The following FAM184B variants were observed in gnomAD, a reference collection of about 807,000 sequenced individuals.
FAM184B encodes protein FAM184B.
A neutral mutation model predicts 135.9 loss-of-function variants in FAM184B; 111 were observed. The observed-to-expected ratio is 0.82, with a 90% CI of 0.70 to 0.96. FAM184B has a LOEUF of 0.96. FAM184B is among the 40% of genes least tolerant of loss of function. The pLI is 0.00. For missense variants in FAM184B, 1,375 were observed against 1,323.9 expected (o/e 1.04, Z -0.60); for synonymous variants, 552 against 524.8 (o/e 1.05, Z -0.71).
intron 1 of FAM184B, among the ~76,000 whole-genome samples, chr4:17,748,309 AC>A (rs1368970258): frequency 6.6e-6 from 1 of 151,472 alleles, no homozygotes; most frequent in African/African-American, 2.4e-5. Flanking sequence ...ACTTTTGGCA[AC>A]CCCCCACCTG....
intron 8 of FAM184B, among the ~76,000 whole-genome samples, chr4:17,662,325 T>C (rs1020318882): frequency 2.7e-5 from 4 of 147,474 alleles, no homozygotes; most frequent in African/African-American, 9.9e-5. Context: ...CAAGGATTTT[T>C]GTGGATATAT....
At chr4:17,720,801 G>A (rs995044640) in intron 1 of FAM184B, among the ~76,000 whole-genome samples, 4 of 148,800 alleles carry the variant, frequency 2.7e-5, no homozygotes, top group African/African-American at 5.0e-5. Flanking sequence ...CGGAAGAATC[G>A]CTTGAACCAG....
intron 10 of FAM184B, among the ~76,000 whole-genome samples, chr4:17,654,358 T>A (rs1248071448): frequency 6.6e-6 from 1 of 151,976 alleles, no homozygotes; most frequent in African/African-American, 2.4e-5. Context: ...CTCTTTTTTA[T>A]ATATATATAG....
At chr4:17,763,554 C>T (rs1718593027) in intron 1 of FAM184B, among the ~76,000 whole-genome samples, 3 of 132,556 alleles carry the variant, frequency 2.3e-5, no homozygotes, top group Admixed American at 8.0e-5. Context: ...TAAGACTGGA[C>T]GGACACACTT....
chr4:17,731,742 C>A (rs1423856017), intron 1 of FAM184B, among the ~76,000 whole-genome samples: 1 of 152,134 alleles, frequency 6.6e-6, no homozygotes, highest in Admixed American at 6.5e-5. Context: ...GACTTTAACA[C>A]CCCACTGTCA....
At chr4:17,682,850 C>G (rs547949810) in intron 7 of FAM184B, among the ~76,000 whole-genome samples, 22 of 152,256 alleles carry the variant, frequency 1.4e-4, no homozygotes, top group Non-Finnish European at 7.4e-5. Context: ...AGCTACTGGC[C>G]TAAACTGAAA....
At position 17,635,080 on chromosome 4, in the gene FAM184B, T is replaced by TG; in HGVS notation, c.2817dup (p.Ser940GlnfsTer58). ...GACCGATTCCGGTGGGACATGGCAC[T>TG]GGGGAATGCTGCGTAGTGAAATCTT... is the stretch of plus-strand genomic sequence containing the variant. On this transcript the variant is annotated frameshift_variant, in exon 16 of 18. Coordinates refer to ENST00000265018, the MANE Select transcript of FAM184B (RefSeq NM_015688.2). LOFTEE classifies it high-confidence loss of function. 1 of 1,551,716 alleles carries TG rather than the reference T, an allele frequency of 6.4e-7. No homozygotes were observed. Among genetic ancestry groups the TG allele is most frequent in the South Asian group, 1.2e-5 (1 of 84,052 alleles).
chr4:17,708,811 G>A (rs1324183106), intron 2 of FAM184B, 81 bp downstream of exon 2: 8 of 1,419,782 alleles, frequency 5.6e-6, no homozygotes, highest in African/African-American at 2.9e-5. Context: ...GCTTAGCACA[G>A]TGCCTGATCT....
chr4:17,766,662 T>G (rs1269550389), intron 1 of FAM184B, among the ~76,000 whole-genome samples: 1 of 152,178 alleles, frequency 6.6e-6, no homozygotes, highest in African/African-American at 2.4e-5. Context: ...AGACACAGAG[T>G]GCTGATTAGT....
At chr4:17,712,756 G>A (rs1432665993) in intron 1 of FAM184B, among the ~76,000 whole-genome samples, 1 of 148,948 alleles carries the variant, frequency 6.7e-6, no homozygotes, top group African/African-American at 2.6e-5. Context: ...CAAAAAAAAA[G>A]CTTTGTATGG....
rs1719021761 is a variant in FAM184B at position 17,781,030 on chromosome 4, C to A, written c.141+129G>T. 2 of 1,201,300 alleles carry A rather than the reference C, an allele frequency of 1.7e-6. No homozygotes were observed. The highest frequency in any genetic ancestry group is 5.7e-5 in the East Asian group (2 of 35,050). 74.4% of individuals were successfully genotyped at this position (1,201,300 alleles called of 1,614,324 possible). On this transcript the variant is annotated intron_variant, in intron 1 of 17. Transcript: ENST00000265018. The surrounding 1 kb of genome is among the most constrained non-coding windows in gnomAD (Gnocchi z 6.5). ...ACCCAGATTTAGGACCGCTTCCCTT[C>A]CCGGTTGGCCTCCGAGACAAAGTTT...
intron 12 of FAM184B, 108 bp from the exon 13 acceptor site, chr4:17,642,336 C>T: frequency 7.3e-7 from 1 of 1,376,118 alleles, no homozygotes; most frequent in Non-Finnish European, 9.3e-7. Context: ...GCACCCCGCC[C>T]AGGCTGGAGC....
At chr4:17,724,022 C>T (rs1363148365) in intron 1 of FAM184B, among the ~76,000 whole-genome samples, 3 of 151,966 alleles carry the variant, frequency 2.0e-5, no homozygotes. Flanking sequence ...CATGCCACCA[C>T]TATACAATGT....
intron 1 of FAM184B, among the ~76,000 whole-genome samples, chr4:17,776,884 G>A (rs757537153): frequency 5.3e-5 from 8 of 152,152 alleles, no homozygotes; most frequent in Non-Finnish European, 1.0e-4. Flanking sequence ...CCTGAGAATT[G>A]GGTGCGTAGG....
In FAM184B at chr4:17,693,450, G is replaced by A. The variant is rs3733580; in HGVS notation, c.1378-38C>T. On this transcript the variant is annotated intron_variant, in intron 5 of 17. Transcript: ENST00000265018. ...TGGAAGAGTTAACCATACAAGGCAC[G>A]AAAACAGGACACTTAATGTTTTCAC... The A allele has an allele frequency of 2.4e-3, 3,585 of 1,493,020 alleles. 69 individuals are homozygous for A. In the East Asian group the frequency reaches 0.037, roughly 15 times the overall value. 92.5% of individuals were successfully genotyped at this position (1,493,020 alleles called of 1,614,324 possible).
intron 7 of FAM184B, among the ~76,000 whole-genome samples, chr4:17,672,589 G>C (rs371766298): frequency 1.3e-5 from 2 of 152,184 alleles, no homozygotes; most frequent in African/African-American, 2.4e-5. Context: ...AATCATAAAG[G>C]GATGCTGGAT....
chr4:17,727,956 T>C (rs1717680185), intron 1 of FAM184B, among the ~76,000 whole-genome samples: 1 of 152,098 alleles, frequency 6.6e-6, no homozygotes, highest in African/African-American at 2.4e-5. Flanking sequence ...ACCCCAGCAG[T>C]TGGCCATTGA....
At chr4:17,656,420 G>A (rs1715780214) in intron 10 of FAM184B, among the ~76,000 whole-genome samples, 1 of 152,062 alleles carries the variant, frequency 6.6e-6, no homozygotes, top group South Asian at 2.1e-4. Context: ...GCTTTGTTTT[G>A]AGACGGAGTC....
At chr4:17,692,941 T>C (rs1435181825) in intron 6 of FAM184B, among the ~76,000 whole-genome samples, 1 of 151,966 alleles carries the variant, frequency 6.6e-6, no homozygotes, top group Non-Finnish European at 1.5e-5. Flanking sequence ...TTAATATTTT[T>C]TAATAAAGGA....
Sources: gnomAD v4.1 joint callset for allele counts (sites outside exome capture counted in the v4.1 genomes callset) on GRCh38, gnomAD v4.1.1 for gene constraint, Gnocchi (gnomAD v3.1) non-coding constraint, MANE v1.5 for transcripts, NCBI Gene and HGNC (gene_info 2026-07-23, HGNC 2026-07-21) for gene names.